VPS41: variants seen among roughly 807,000 people sequenced by gnomAD.
The protein encoded by VPS41 is vacuolar protein sorting-associated protein 41 homolog.
In VPS41, 85 loss-of-function variants were observed where a neutral mutation model predicts 130.9. The observed-to-expected ratio is 0.65, with a 90% CI of 0.55 to 0.78. The LOEUF is 0.78. Among genes scored for constraint, VPS41 ranks in the 30% least tolerant of loss-of-function variants. The pLI is 0.00. For synonymous variants in VPS41, 335 were observed against 332.9 expected (o/e 1.01, Z -0.07); for missense variants, 874 against 1,018.7 (o/e 0.86, Z 1.93).
chr7:38,776,665 G>C lies in VPS41; in HGVS notation c.882+14C>G, dbSNP rs370720233. 5 of 1,502,692 alleles carry C rather than the reference G, an allele frequency of 3.3e-6. No homozygotes were observed. Among genetic ancestry groups the C allele is most frequent in the Non-Finnish European group, 4.6e-6 (5 of 1,079,226 alleles). The allele number at this position is 1,502,692 out of a possible 1,614,324, so 93.1% of individuals were successfully genotyped here. On this transcript the variant is annotated intron_variant, in intron 11 of 28. Transcript: ENST00000310301. ...ACCCCCACATGCCTTTGTATCTGGG[G>C]AGAAAATAATTACCGTTTTTTCTGA...
At chr7:38,836,932 T>C (rs923659302) in intron 4 of VPS41, among the ~76,000 whole-genome samples, 5 of 152,214 alleles carry the variant, frequency 3.3e-5, no homozygotes, top group African/African-American at 9.6e-5. Flanking sequence ...TTATCTATTA[T>C]GACCAAAGAG....
rs765304888 is a variant in VPS41 at position 38,774,245 on chromosome 7, C to T, written c.883-1G>A. On this transcript the variant is annotated splice_acceptor_variant, in intron 11 of 28. Coordinates refer to ENST00000310301, the MANE Select transcript of VPS41 (RefSeq NM_014396.4). LOFTEE classifies it high-confidence loss of function. Reference sequence around the variant, plus strand: ...TAGGCCTGGCACAGTATTCTCTTTCCTAGTGGGGGAAAAGAGAGAAACATT... The same window carrying T: ...TAGGCCTGGCACAGTATTCTCTTTCTTAGTGGGGGAAAAGAGAGAAACATT... The T allele has an allele frequency of 1.3e-6, 2 of 1,568,400 alleles. No individual in the cohort carries two copies. Among genetic ancestry groups the T allele is most frequent in the East Asian group, 4.5e-5 (2 of 44,340 alleles).
intron 1 of VPS41, among the ~76,000 whole-genome samples, chr7:38,905,351 T>G (rs1280160583): frequency 6.6e-6 from 1 of 152,210 alleles, no homozygotes; most frequent in Non-Finnish European, 1.5e-5. Context: ...GTTTTGGAGC[T>G]AAGCAAAACT....
At chr7:38,785,316 T>C (rs909285635) in intron 10 of VPS41, among the ~76,000 whole-genome samples, 7 of 152,148 alleles carry the variant, frequency 4.6e-5, no homozygotes, top group African/African-American at 1.7e-4. Context: ...CATCAGCAAA[T>C]TATGGAGAAG....
chr7:38,820,575 T>A (rs1424608301), intron 6 of VPS41, among the ~76,000 whole-genome samples: 1 of 152,228 alleles, frequency 6.6e-6, no homozygotes, highest in African/African-American at 2.4e-5. Flanking sequence ...CTTAAATATT[T>A]AGTAATTTCT....
intron 4 of VPS41, among the ~76,000 whole-genome samples, chr7:38,837,420 A>T (rs1401494388): frequency 6.6e-6 from 1 of 152,202 alleles, no homozygotes; most frequent in Non-Finnish European, 1.5e-5. Context: ...GTTAGCACAC[A>T]TCTATACCAG....
chr7:38,882,213 T>C (rs947811144), intron 2 of VPS41, among the ~76,000 whole-genome samples: 13 of 152,112 alleles, frequency 8.5e-5, no homozygotes, highest in Admixed American at 7.9e-4. Flanking sequence ...TCCCTAGACC[T>C]CATCTCATTC....
chr7:38,880,717 G>T (rs1786586721), intron 2 of VPS41, among the ~76,000 whole-genome samples: 1 of 152,218 alleles, frequency 6.6e-6, no homozygotes. Flanking sequence ...CGGCTGCACT[G>T]AAACTGAAAT....
chr7:38,791,877 T>G (rs111384255), intron 9 of VPS41, among the ~76,000 whole-genome samples: 7 of 152,170 alleles, frequency 4.6e-5, no homozygotes, highest in African/African-American at 1.7e-4. Context: ...CAAAAAGACT[T>G]GACAGGAAGA....
rs140185709 is a variant in VPS41 at position 38,728,644 on chromosome 7, C to T, written c.2359+48G>A. ...CCTGTTTATACCTGCTTGGCCATTT[C>T]TGAAAGCAGGGCACGTGGTTCCATA... On this transcript the variant is annotated intron_variant, in intron 26 of 28. Transcript: ENST00000310301. 21 of 1,613,572 alleles carry T rather than the reference C, an allele frequency of 1.3e-5. No homozygotes were observed. The African/African-American group carries it at 2.8e-4, about 22-fold the overall frequency.
At chr7:38,749,217 G>T (rs1364444683) in intron 22 of VPS41, among the ~76,000 whole-genome samples, 1 of 152,046 alleles carries the variant, frequency 6.6e-6, no homozygotes, top group Non-Finnish European at 1.5e-5. Flanking sequence ...AAAGTTTTGG[G>T]CCAAATACTA....
chr7:38,786,305 C>T (rs1197484090), intron 10 of VPS41, among the ~76,000 whole-genome samples: 3 of 152,188 alleles, frequency 2.0e-5, no homozygotes, highest in Admixed American at 6.5e-5. Context: ...GCTACCCACT[C>T]GCATACTGGG....
chr7:38,815,405 C>T (rs1785025918), intron 7 of VPS41, among the ~76,000 whole-genome samples: 1 of 152,074 alleles, frequency 6.6e-6, no homozygotes, highest in Non-Finnish European at 1.5e-5. Flanking sequence ...ACTTGGGCAA[C>T]AGAGCAAGAC....
chr7:38,748,857 T>A (rs1235276106), intron 22 of VPS41, among the ~76,000 whole-genome samples: 1 of 152,092 alleles, frequency 6.6e-6, no homozygotes, highest in African/African-American at 2.4e-5. Flanking sequence ...TCCCTCAACT[T>A]ATTAGCTCTA....
intron 2 of VPS41, among the ~76,000 whole-genome samples, chr7:38,869,861 C>T (rs1450867742): frequency 6.6e-6 from 1 of 152,112 alleles, no homozygotes; most frequent in Non-Finnish European, 1.5e-5. Context: ...TCTTCACCCT[C>T]CAGCTAATAT....
intron 5 of VPS41, among the ~76,000 whole-genome samples, chr7:38,826,110 A>G (rs531841709): frequency 6.6e-6 from 1 of 152,282 alleles, no homozygotes; most frequent in East Asian, 1.9e-4. Context: ...CAGGCTGACT[A>G]ACAGAGACCA....
At chr7:38,889,541 A>C (rs1786813375) in intron 2 of VPS41, among the ~76,000 whole-genome samples, 1 of 134,380 alleles carries the variant, frequency 7.4e-6, no homozygotes, top group Non-Finnish European at 1.7e-5. Context: ...CTGGTTAAAA[A>C]AACAAAACAA....
chr7:38,809,332 A>AATATATATATATGTATATTTT (rs1562594252), intron 7 of VPS41, among the ~76,000 whole-genome samples: 2 of 148,124 alleles, frequency 1.4e-5, no homozygotes, highest in African/African-American at 4.9e-5. Context: ...AAAATACAAA[A>AATATATATATATGTATATTTT]ATATATATAT....
At chr7:38,880,816 A>G (rs113822906) in intron 2 of VPS41, among the ~76,000 whole-genome samples, 6 of 152,252 alleles carry the variant, frequency 3.9e-5, no homozygotes, top group Non-Finnish European at 7.3e-5. Flanking sequence ...TAAAGCCTTG[A>G]CAGCATAGAA....
Sources: allele counts gnomAD v4.1 joint callset (sites outside exome capture counted in the v4.1 genomes callset), GRCh38; gene constraint gnomAD v4.1.1; transcripts MANE v1.5; gene names NCBI Gene and HGNC (gene_info 2026-07-23, HGNC 2026-07-21).